Variants in IBTK observed in about 807,000 individuals in gnomAD.
IBTK encodes the protein inhibitor of Bruton tyrosine kinase, also known as BTK-binding protein.
In IBTK, 83 loss-of-function variants were observed where a neutral mutation model predicts 154.9. That is an observed-to-expected ratio of 0.54 (90% CI 0.45 to 0.64). The LOEUF (loss-of-function observed/expected upper bound fraction) is 0.64. Ranked by LOEUF, IBTK falls within the 30% of genes least tolerant of loss-of-function variation. The pLI is 0.00. For missense variants in IBTK, 1,332 were observed against 1,584.6 expected (o/e 0.84, Z 2.71); for synonymous variants, 515 against 536.1 (o/e 0.96, Z 0.54).
chr6:82,244,422 T>A (rs1263114843), intron 1 of IBTK, among the ~76,000 whole-genome samples: 1 of 152,098 alleles, frequency 6.6e-6, no homozygotes, highest in African/African-American at 2.4e-5. Context: ...CCTTAAGGAG[T>A]CTAAAAGAGA....
Position 82,240,156 on chromosome 6 carries a change from T to A in IBTK, c.321+10A>T. 1 of 1,592,562 alleles carries A rather than the reference T, an allele frequency of 6.3e-7. No individual in the cohort carries two copies. The highest frequency in any genetic ancestry group is 8.6e-7 in the Non-Finnish European group (1 of 1,164,862). On this transcript the variant is annotated intron_variant, in intron 2 of 28. Transcript: ENST00000306270. ...ACTAAATACGTTTAAAATAAACAAATGACAATTACCTTCAATAGAGACCAA... is the reference window on the plus strand; with the variant it reads ...ACTAAATACGTTTAAAATAAACAAAAGACAATTACCTTCAATAGAGACCAA...
Position 82,172,519 on chromosome 6 carries a change from G to A in IBTK, c.3798-7C>T, listed in dbSNP as rs764280878. ...TGAAGAAGATAGCCAGGGACTGAAAGAATAATAATAATGAGTTTCATTCAT... is the reference window on the plus strand; with the variant it reads ...TGAAGAAGATAGCCAGGGACTGAAAAAATAATAATAATGAGTTTCATTCAT... On this transcript the variant is annotated splice_polypyrimidine_tract_variant and splice_region_variant and intron_variant, in intron 27 of 28. Coordinates refer to ENST00000306270, the MANE Select transcript of IBTK (RefSeq NM_015525.4). 1.1e-5 allele frequency: 18 copies of A among 1,596,644 alleles called. No individual in the cohort carries two copies. In the South Asian group the frequency reaches 1.8e-4, roughly 16 times the overall value.
intron 26 of IBTK, among the ~76,000 whole-genome samples, chr6:82,179,425 A>T (rs938386505): frequency 6.6e-6 from 1 of 152,242 alleles, no homozygotes; most frequent in Non-Finnish European, 1.5e-5. Context: ...TCAATAAGAG[A>T]TAATTAAGTC....
At chr6:82,200,107 T>A (rs375539537) in intron 21 of IBTK, 34 bp downstream of exon 21, 33 of 1,297,418 alleles carry the variant, frequency 2.5e-5, no homozygotes, top group Non-Finnish European at 3.4e-5. Flanking sequence ...CATAGAAGAT[T>A]AGAACTGGAA....
At chr6:82,194,751 T>A in intron 22 of IBTK, 109 bp from the exon 23 acceptor site, 1 of 741,514 alleles carries the variant, frequency 1.3e-6, no homozygotes, top group Non-Finnish European at 1.9e-6. Flanking sequence ...AATAAAATCT[T>A]ATGACAATAA....
intron 3 of IBTK, 105 bp downstream of exon 3, chr6:82,234,054 T>C: frequency 2.1e-6 from 1 of 472,068 alleles, no homozygotes; most frequent in East Asian, 3.4e-5. Context: ...CTTACCAGTA[T>C]TCTCGAACTC....
At chr6:82,199,306 T>G (rs1326921146) in intron 21 of IBTK, among the ~76,000 whole-genome samples, 1 of 152,132 alleles carries the variant, frequency 6.6e-6, no homozygotes, top group Non-Finnish European at 1.5e-5. Flanking sequence ...ACAAAGAGTC[T>G]GCAAGAAAAT....
rs772587481 is a variant in IBTK at position 82,173,337 on chromosome 6, G to C, written c.3797+30C>G. On this transcript the variant is annotated intron_variant, in intron 27 of 28. Transcript: ENST00000306270. The stretch of plus-strand genomic sequence containing the variant: ...CAATGCTAAGCAGCAACTTAGCTTT[G>C]GAGGCCCATAACTTATCAATTAACC... The C allele has an allele frequency of 1.2e-5, 18 of 1,508,522 alleles. No individual in the cohort carries two copies. The South Asian group carries it at 2.1e-4, about 17-fold the overall frequency. The allele number at this position is 1,508,522 out of a possible 1,614,324, so 93.4% of individuals were successfully genotyped here. A position where few individuals can be genotyped will look rare whatever the true frequency, so the allele number is the denominator to read the frequency against.
chr6:82,209,384 A>G (rs1769541559), intron 16 of IBTK, among the ~76,000 whole-genome samples: 1 of 152,288 alleles, frequency 6.6e-6, no homozygotes, highest in Admixed American at 6.5e-5. Context: ...TGGCAATAAA[A>G]AACAATGAAG....
At position 82,227,268 on chromosome 6, in the gene IBTK, G is replaced by A; in HGVS notation, c.578C>T (p.Ser193Phe). ...VLCKFHSVFL[S>F]QKGQVYTCGH... is the part of the protein sequence containing the mutation. ...ACAGGTATAAACCTGCCCTTTCTGAGACAGAAACACGGAGTGAAATTTACA... is the reference window on the plus strand; with the variant it reads ...ACAGGTATAAACCTGCCCTTTCTGAAACAGAAACACGGAGTGAAATTTACA... Residue 193 changes from serine (S) to phenylalanine (F), a missense_variant, in exon 5 of 29, where the codon TCT becomes TTT. Physicochemically the swap from Ser to Phe is radical, Grantham distance 155 (BLOSUM62 -2). Transcript: ENST00000306270. The A allele has an allele frequency of 6.2e-7, 1 of 1,610,534 alleles. No individual in the cohort carries two copies. Among genetic ancestry groups the A allele is most frequent in the Non-Finnish European group, 8.5e-7 (1 of 1,178,334 alleles).
intron 21 of IBTK, among the ~76,000 whole-genome samples, 159 bp from the exon 22 acceptor site, chr6:82,196,605 GAGAA>G (rs1178641630): frequency 6.6e-6 from 1 of 152,030 alleles, no homozygotes; most frequent in Non-Finnish European, 1.5e-5. Flanking sequence ...AAGTTAACTG[GAGAA>G]AGAAATCAGT....
In IBTK at chr6:82,194,620, T is replaced by C; in HGVS notation, c.3197A>G (p.Asn1066Ser). The C allele has an allele frequency of 1.3e-6, 2 of 1,590,016 alleles. No individual in the cohort carries two copies. The highest frequency in any genetic ancestry group is 2.3e-5 in the East Asian group (1 of 43,980). ...KIEAKVKPYV[N>S]GTSPVYSRED... The stretch of plus-strand genomic sequence containing the variant: ...CCTAGAATACACAGGAGATGTACCA[T>C]TAACATACGGTTTGACTTTCGCCTG... The change falls in exon 23 of 29, where the codon AAT becomes AGT. Residue 1066 changes from asparagine (N) to serine (S), a missense_variant. Asn to Ser is a conservative substitution (Grantham distance 46). Transcript: ENST00000306270.
At chr6:82,180,398 C>T (rs1263943351) in intron 26 of IBTK, among the ~76,000 whole-genome samples, 1 of 152,022 alleles carries the variant, frequency 6.6e-6, no homozygotes, top group Non-Finnish European at 1.5e-5. Context: ...GCACATGCCA[C>T]CAAGCCGAGC....
chr6:82,180,421 C>G (rs190948095), intron 26 of IBTK, among the ~76,000 whole-genome samples: 66 of 151,954 alleles, frequency 4.3e-4, no homozygotes, highest in Non-Finnish European at 7.9e-4. Flanking sequence ...ATTTATTTTT[C>G]TTGCTATTTT....
chr6:82,213,901 G>A (rs1769754526), intron 12 of IBTK, among the ~76,000 whole-genome samples: 1 of 152,086 alleles, frequency 6.6e-6, no homozygotes, highest in Non-Finnish European at 1.5e-5. Flanking sequence ...GATGGAACAA[G>A]TGGGAGGAGA....
chr6:82,180,932 G>C (rs918580979), intron 26 of IBTK, among the ~76,000 whole-genome samples: 5 of 151,902 alleles, frequency 3.3e-5, no homozygotes, highest in Non-Finnish European at 7.4e-5. Flanking sequence ...GTTTTGTTTT[G>C]TCTGAGACCA....
In IBTK at chr6:82,221,625, T is replaced by A. The variant is rs528639299; in HGVS notation, c.1125-912A>T. ...CCTTTTAAATTAAAGGAAAAAAAAA[T>A]TTTCAAAATTACTATATTGTATAAC... On this transcript the variant is annotated intron_variant, in intron 8 of 28. Coordinates refer to ENST00000306270, the MANE Select transcript of IBTK (RefSeq NM_015525.4). Among the ~76,000 whole-genome samples the A allele has an allele frequency of 2.0e-3, 308 of 152,168 alleles. 1 individual carries two copies. The highest frequency in any genetic ancestry group is 7.2e-3 in the African/African-American group (300 of 41,538).
chr6:82,210,777 T>C (rs1490265061), intron 16 of IBTK, 37 bp downstream of exon 16: 1 of 849,068 alleles, frequency 1.2e-6, no homozygotes, highest in African/African-American at 1.8e-5. Flanking sequence ...TTCCATTATA[T>C]GTGAAGTATC....
At chr6:82,197,396 A>T (rs1284744058) in intron 21 of IBTK, among the ~76,000 whole-genome samples, 8 of 87,480 alleles carry the variant, frequency 9.1e-5, no homozygotes, top group Non-Finnish European at 1.6e-4. Context: ...TTTGAGACAG[A>T]GTCTTACTCT....
Sources: allele counts gnomAD v4.1 joint callset (sites outside exome capture counted in the v4.1 genomes callset), GRCh38; gene constraint gnomAD v4.1.1; transcripts MANE v1.5; gene names NCBI Gene and HGNC (gene_info 2026-07-23, HGNC 2026-07-21).